The following F8 variants were observed in gnomAD, a reference collection of about 807,000 sequenced individuals.
F8 encodes the protein coagulation factor VIII.
A neutral mutation model predicts 140.6 loss-of-function variants in F8; 12 were observed. The ratio of observed to expected loss-of-function variants is 0.09; its 90% CI spans 0.05 to 0.14. The LOEUF is 0.14. Among genes scored for constraint, F8 ranks in the 10% least tolerant of loss-of-function variants. The pLI, the probability that F8 is intolerant of heterozygous loss-of-function variation, is 1.00. For synonymous variants in F8, 585 were observed against 614.6 expected (o/e 0.95, Z 0.71); for missense variants, 1,354 against 1,720.7 (o/e 0.79, Z 3.77).
chrX:154,855,024 G>A (rs1246650904), intron 25 of F8, among the ~76,000 whole-genome samples: 2 of 111,296 alleles, frequency 1.8e-5, no homozygotes, highest in African/African-American at 6.5e-5. Flanking sequence ...GGAGGCTGAG[G>A]CATGATAATC....
chrX:154,862,500 C>T (rs1465361589), intron 23 of F8, among the ~76,000 whole-genome samples: 1 of 111,326 alleles, frequency 9.0e-6, no homozygotes, highest in Non-Finnish European at 1.9e-5. Flanking sequence ...ATGATCCCCT[C>T]ACTCAGGTAG....
intron 25 of F8, among the ~76,000 whole-genome samples, chrX:154,846,540 G>A (rs186282128): frequency 0.012 from 1,384 of 110,988 alleles, 23 homozygotes; most frequent in African/African-American, 0.043. Context: ...TTATGTAATG[G>A]CCTTGTCTCT....
intron 6 of F8, among the ~76,000 whole-genome samples, chrX:154,982,373 G>A (rs1159224501): frequency 1.1e-4 from 11 of 99,962 alleles, no homozygotes; most frequent in African/African-American, 1.5e-4. Context: ...CGTGAACCCC[G>A]GGGGGCAGAG....
chrX:154,944,835 C>A (rs1319430660), intron 13 of F8, among the ~76,000 whole-genome samples: 7 of 111,355 alleles, frequency 6.3e-5, no homozygotes, highest in South Asian at 3.8e-4. Context: ...GAATACTATG[C>A]CGCCATAAAA....
intron 22 of F8, among the ~76,000 whole-genome samples, chrX:154,879,746 T>C (rs2072845341): frequency 9.0e-6 from 1 of 111,088 alleles, no homozygotes; most frequent in Admixed American, 9.6e-5. Flanking sequence ...TGGTGGGAGG[T>C]GATTGGATCA....
intron 1 of F8, among the ~76,000 whole-genome samples, chrX:155,013,212 A>AAATCTCATCTTGAATTGTAGCTCCCAC (rs2073717813): frequency 9.1e-6 from 1 of 109,559 alleles, no homozygotes; most frequent in Non-Finnish European, 1.9e-5. Context: ...GTCCCCACCT[A>AAATCTCATCTTGAATTGTAGCTCCCAC]AATCTCATCT....
intron 14 of F8, among the ~76,000 whole-genome samples, chrX:154,926,180 G>A (rs1437195130): frequency 1.8e-5 from 2 of 111,903 alleles, no homozygotes; most frequent in Non-Finnish European, 3.8e-5. Context: ...ATGATTGTGA[G>A]GCCTCCCCAG....
At chrX:154,840,056 C>A (rs868915665) in intron 25 of F8, among the ~76,000 whole-genome samples, 49 of 111,869 alleles carry the variant, frequency 4.4e-4, no homozygotes, top group African/African-American at 1.4e-3. Flanking sequence ...GCCAGATTGT[C>A]CCATTATTGA....
intron 14 of F8, among the ~76,000 whole-genome samples, chrX:154,907,379 A>G (rs1467052570): frequency 8.9e-6 from 1 of 111,793 alleles, no homozygotes; most frequent in African/African-American, 3.2e-5. Flanking sequence ...GAGTTGTTAT[A>G]ATCTTTGGCA....
At chrX:154,926,420 G>T (rs782072505) in intron 14 of F8, among the ~76,000 whole-genome samples, 1 of 112,046 alleles carries the variant, frequency 8.9e-6, no homozygotes, top group Admixed American at 9.4e-5. Flanking sequence ...CTGTTGCCCA[G>T]GCTGGAGTGC....
chrX:154,869,234 G>T (rs1437646430), intron 22 of F8, among the ~76,000 whole-genome samples: 2 of 111,829 alleles, frequency 1.8e-5, no homozygotes, highest in Non-Finnish European at 3.8e-5. Flanking sequence ...CAAATCAACA[G>T]ATTATACATT....
At chrX:154,862,897 T>C (rs1478967438) in intron 23 of F8, among the ~76,000 whole-genome samples, 186 bp downstream of exon 23, 1 of 112,218 alleles carries the variant, frequency 8.9e-6, no homozygotes, top group African/African-American at 3.2e-5. Flanking sequence ...TTTGATTATA[T>C]ACCCAGTGAT....
intron 6 of F8, among the ~76,000 whole-genome samples, chrX:154,979,358 C>T (rs782173094): frequency 3.6e-5 from 4 of 110,323 alleles, no homozygotes; most frequent in Non-Finnish European, 7.6e-5. Context: ...GTGGACAGGG[C>T]TAAGTGATCC....
chrX:154,934,584 G>C (rs1449081108), intron 13 of F8, among the ~76,000 whole-genome samples: 1 of 111,403 alleles, frequency 9.0e-6, no homozygotes, highest in African/African-American at 3.3e-5. Context: ...TTTTTGCACT[G>C]TAAGTCTGTT....
chrX:154,879,727 G>C (rs1446604273), intron 22 of F8, among the ~76,000 whole-genome samples: 1 of 111,792 alleles, frequency 8.9e-6, no homozygotes, highest in Non-Finnish European at 1.9e-5. Context: ...GTGTGTCAGA[G>C]GAGAGGCCTG....
In F8 at chrX:154,947,765, G is replaced by C; in HGVS notation, c.2046C>G (p.Val682=). The C allele has an allele frequency of 8.3e-7, 1 of 1,210,445 alleles. No homozygotes were observed. The highest frequency in any genetic ancestry group is 1.8e-5 in the South Asian group (1 of 56,938). The change falls in exon 13 of 26, where the codon GTC becomes GTG. Residue 682 remains valine, a synonymous_variant. Coordinates refer to ENST00000360256, the MANE Select transcript of F8 (RefSeq NM_000132.4). ...GGAATAGGGTGAGTGTGTCTTCATA[G>C]ACCATTTTGTGTTTGAAGGTATATC... ...FSGYTFKHKM[V]YEDTLTLFPF... is the part of the protein sequence containing the mutation.
intron 13 of F8, among the ~76,000 whole-genome samples, chrX:154,933,237 C>T (rs1557278972): frequency 8.9e-6 from 1 of 111,888 alleles, no homozygotes; most frequent in Admixed American, 9.5e-5. Context: ...TAAGAAATTT[C>T]ACATATACAA....
At chrX:154,843,476 T>C (rs1476762781) in intron 25 of F8, among the ~76,000 whole-genome samples, 2 of 112,127 alleles carry the variant, frequency 1.8e-5, no homozygotes, top group Non-Finnish European at 3.8e-5. Flanking sequence ...GACTTTTTAA[T>C]GATCGCCATT....
chrX:154,901,228 A>G (rs2073008006), intron 20 of F8, 143 bp downstream of exon 20: 1 of 504,856 alleles, frequency 2.0e-6, no homozygotes, highest in Admixed American at 2.8e-5. Flanking sequence ...GGAAGTGGAG[A>G]GGAGGAGATG....
Sources: allele counts gnomAD v4.1 joint callset (sites outside exome capture counted in the v4.1 genomes callset), GRCh38; gene constraint gnomAD v4.1.1; transcripts MANE v1.5; gene names NCBI Gene and HGNC (gene_info 2026-07-23, HGNC 2026-07-21).